OSBPL1A: variants seen among roughly 807,000 people sequenced by gnomAD.
OSBPL1A encodes the protein oxysterol binding protein like 1A.
OSBPL1A carries 80 observed loss-of-function variants against 137.1 expected under a neutral mutation model. The observed-to-expected ratio is 0.58, with a 90% confidence interval of 0.49 to 0.70. The LOEUF (loss-of-function observed/expected upper bound fraction) is 0.70. Ranked by LOEUF, OSBPL1A falls within the 30% of genes least tolerant of loss-of-function variation. The pLI is 0.00. For missense variants in OSBPL1A, 970 were observed against 1,129.4 expected (o/e 0.86, Z 2.02); for synonymous variants, 365 against 389.7 (o/e 0.94, Z 0.75).
chr18:24,170,439 C>T lies in OSBPL1A; in HGVS notation c.2306G>A (p.Cys769Tyr). 1 of 1,614,034 alleles carries T rather than the reference C, an allele frequency of 6.2e-7. No homozygotes were observed. The highest frequency in any genetic ancestry group is 8.5e-7 in the Non-Finnish European group (1 of 1,180,008). Reference sequence around the variant, plus strand: ...TTCAGTCCACTTCCCATAGAGGGCACAGAGCTTCTTTTTGCTGTCAAGAAA... The same window carrying T: ...TTCAGTCCACTTCCCATAGAGGGCATAGAGCTTCTTTTTGCTGTCAAGAAA... The part of the protein sequence containing the change: ...YIQDKSKKKL[C>Y]ALYGKWTECL... Residue 769 changes from cysteine (C) to tyrosine (Y), a missense_variant, in exon 24 of 28, where the codon TGT becomes TAT. Cys to Tyr is a radical substitution (Grantham distance 194). This residue lies in a region of OSBPL1A where 323 missense variants were observed against 456.8 expected (regional missense o/e 0.71). Coordinates refer to ENST00000319481, the MANE Select transcript of OSBPL1A (RefSeq NM_080597.4).
chr18:24,391,965 C>T (rs1215627037), intron 1 of OSBPL1A, among the ~76,000 whole-genome samples: 1 of 152,042 alleles, frequency 6.6e-6, no homozygotes, highest in Non-Finnish European at 1.5e-5. Flanking sequence ...AAGTGATCCT[C>T]CCACCTCAGC....
Position 24,170,457 on chromosome 18 carries a change from T to C in OSBPL1A, c.2292-4A>G. 6.2e-7 allele frequency: 1 copy of C among 1,613,962 alleles called. No individual in the cohort carries two copies. Among genetic ancestry groups the C allele is most frequent in the East Asian group, 2.2e-5 (1 of 44,886 alleles). ...GAGGGCACAGAGCTTCTTTTTGCTGTCAAGAAAAACTGATGTTTAGTTAAC... is the reference window on the plus strand; with the variant it reads ...GAGGGCACAGAGCTTCTTTTTGCTGCCAAGAAAAACTGATGTTTAGTTAAC... On this transcript the variant is annotated splice_region_variant and splice_polypyrimidine_tract_variant and intron_variant, in intron 23 of 27. Coordinates refer to ENST00000319481, the MANE Select transcript of OSBPL1A (RefSeq NM_080597.4).
At chr18:24,379,308 C>T (rs972371128) in intron 1 of OSBPL1A, among the ~76,000 whole-genome samples, 18 of 151,954 alleles carry the variant, frequency 1.2e-4, no homozygotes, top group Non-Finnish European at 2.4e-4. Flanking sequence ...CCACTTGAGC[C>T]CAGGAGTTCA....
chr18:24,298,924 A>G (rs915996926), intron 14 of OSBPL1A, among the ~76,000 whole-genome samples: 22 of 152,208 alleles, frequency 1.4e-4, no homozygotes, highest in African/African-American at 5.1e-4. Flanking sequence ...TGTTAGGTGG[A>G]TGTAAAGTTT....
chr18:24,302,647 C>T (rs2090425006), intron 14 of OSBPL1A: 1 of 152,126 alleles, frequency 6.6e-6, no homozygotes. Context: ...GTCTTGAACT[C>T]CTGACCTCAG....
intron 14 of OSBPL1A, among the ~76,000 whole-genome samples, chr18:24,291,345 A>G (rs950301759): frequency 2.6e-5 from 4 of 152,228 alleles, no homozygotes; most frequent in Non-Finnish European, 5.9e-5. Flanking sequence ...TAAAATTTCT[A>G]GAATTATAAA....
intron 21 of OSBPL1A, among the ~76,000 whole-genome samples, chr18:24,177,113 T>C (rs1447243382): frequency 6.6e-6 from 1 of 152,156 alleles, no homozygotes; most frequent in African/African-American, 2.4e-5. Context: ...TTTACTCAGT[T>C]TCTCTGGCCA....
chr18:24,341,109 C>T (rs541864301), intron 5 of OSBPL1A, among the ~76,000 whole-genome samples: 137 of 152,228 alleles, frequency 9.0e-4, no homozygotes, highest in African/African-American at 3.2e-3. Context: ...AATCCTCCTC[C>T]CTCCGCCTCC....
chr18:24,177,966 C>T lies in OSBPL1A; in HGVS notation c.2093+47G>A, dbSNP rs771865894. 7 of 1,545,304 alleles carry T rather than the reference C, an allele frequency of 4.5e-6. No homozygotes were observed. In the East Asian group the frequency reaches 9.0e-5, roughly 20 times the overall value. On this transcript the variant is annotated intron_variant, in intron 21 of 27. Coordinates refer to ENST00000319481, the MANE Select transcript of OSBPL1A (RefSeq NM_080597.4). ...AGCTGAGTGTGCATGTCTACACTTA[C>T]AGGCAGGTCTACATGAAAAGAGTGT...
chr18:24,385,673 C>A (rs1196459715), intron 1 of OSBPL1A, among the ~76,000 whole-genome samples: 2 of 152,114 alleles, frequency 1.3e-5, no homozygotes, highest in African/African-American at 4.8e-5. Flanking sequence ...ACACCAGCTG[C>A]TTTGGCAAAT....
chr18:24,362,338 C>T (rs560134506), intron 4 of OSBPL1A, among the ~76,000 whole-genome samples: 2 of 152,078 alleles, frequency 1.3e-5, no homozygotes, highest in Non-Finnish European at 2.9e-5. Flanking sequence ...AGAAATTAAC[C>T]ACAACCTTTA....
At chr18:24,327,924 T>C (rs1386225469) in intron 7 of OSBPL1A, among the ~76,000 whole-genome samples, 2 of 152,076 alleles carry the variant, frequency 1.3e-5, no homozygotes, top group African/African-American at 2.4e-5. Flanking sequence ...TTAATTCTTA[T>C]TTCATTTGGA....
intron 18 of OSBPL1A, among the ~76,000 whole-genome samples, chr18:24,190,570 T>C (rs1173085721): frequency 1.3e-5 from 2 of 152,260 alleles, no homozygotes; most frequent in East Asian, 1.9e-4. Context: ...ACATGAGAAA[T>C]AGGGTCTTCA....
intron 13 of OSBPL1A, among the ~76,000 whole-genome samples, chr18:24,307,541 T>C (rs971769583): frequency 6.6e-6 from 1 of 152,258 alleles, no homozygotes; most frequent in Non-Finnish European, 1.5e-5. Flanking sequence ...TTCTCATCTT[T>C]CCTGAATGAT....
At chr18:24,172,557 T>C (rs766784384) in intron 21 of OSBPL1A, 74 bp from the exon 22 acceptor site, 24 of 1,061,208 alleles carry the variant, frequency 2.3e-5, no homozygotes, top group Non-Finnish European at 3.5e-5. Flanking sequence ...TTGTTCCAAA[T>C]GCCATTACTC....
At chr18:24,283,289 T>A (rs1159609095) in intron 14 of OSBPL1A, among the ~76,000 whole-genome samples, 31 of 108,468 alleles carry the variant, frequency 2.9e-4, no homozygotes, top group Non-Finnish European at 4.2e-4. Context: ...AAAATATATA[T>A]ATATATATAT....
intron 4 of OSBPL1A, among the ~76,000 whole-genome samples, chr18:24,344,326 G>A (rs774270939): frequency 7.9e-5 from 12 of 152,040 alleles, no homozygotes; most frequent in East Asian, 3.9e-4. Context: ...GGCATATGCC[G>A]GTAGTCCCAG....
intron 4 of OSBPL1A, among the ~76,000 whole-genome samples, chr18:24,355,715 TGG>T (rs2091521622): frequency 6.6e-6 from 1 of 151,808 alleles, no homozygotes; most frequent in Non-Finnish European, 1.5e-5. Context: ...CTGAGCGCAG[TGG>T]CTCACGCTTG....
At chr18:24,322,898 C>A (rs545322224) in intron 7 of OSBPL1A, among the ~76,000 whole-genome samples, 81 of 152,256 alleles carry the variant, frequency 5.3e-4, no homozygotes, top group Non-Finnish European at 1.0e-3. Context: ...TACACTATCT[C>A]TCTTACCAAC....
Sources: allele counts gnomAD v4.1 joint callset (sites outside exome capture counted in the v4.1 genomes callset), GRCh38; gene constraint gnomAD v4.1.1; regional missense constraint gnomAD v4.1.1; transcripts MANE v1.5; gene names NCBI Gene and HGNC (gene_info 2026-07-23, HGNC 2026-07-21).